The following GRID1 variants were observed in gnomAD, a reference collection of about 807,000 sequenced individuals.
The protein encoded by GRID1 is glutamate receptor ionotropic, delta-1.
In GRID1, 28 loss-of-function variants were observed where a neutral mutation model predicts 98.0. The observed-to-expected ratio is 0.29, with a 90% CI of 0.21 to 0.39. The LOEUF is 0.39. GRID1 is among the 10% of genes least tolerant of loss of function. The pLI, the probability that GRID1 is intolerant of heterozygous loss-of-function variation, is 1.00. For missense variants in GRID1, 1,111 were observed against 1,340.5 expected (o/e 0.83, Z 2.67); for synonymous variants, 553 against 538.5 (o/e 1.03, Z -0.37).
At chr10:85,865,154 G>T (rs187276987) in intron 6 of GRID1, among the ~76,000 whole-genome samples, 23 of 152,220 alleles carry the variant, frequency 1.5e-4, no homozygotes, top group African/African-American at 5.3e-4. Flanking sequence ...AAACTAACTT[G>T]TCAAGGAAAC....
At chr10:85,952,270 A>T (rs1455655120) in intron 4 of GRID1, among the ~76,000 whole-genome samples, 1 of 152,252 alleles carries the variant, frequency 6.6e-6, no homozygotes, top group Non-Finnish European at 1.5e-5. Context: ...ACCTGAAAAC[A>T]GCATGAGGAA....
intron 5 of GRID1, among the ~76,000 whole-genome samples, chr10:85,904,725 A>C (rs552819547): frequency 6.6e-6 from 1 of 152,108 alleles, no homozygotes; most frequent in African/African-American, 2.4e-5. Flanking sequence ...TAAAAAAAAA[A>C]ACACTGGACA....
intron 12 of GRID1, among the ~76,000 whole-genome samples, chr10:85,693,725 T>C (rs1841358991): frequency 6.6e-6 from 1 of 152,164 alleles, no homozygotes; most frequent in African/African-American, 2.4e-5. Context: ...GAAAATTGGA[T>C]TGCCATATGC....
intron 3 of GRID1, among the ~76,000 whole-genome samples, chr10:86,202,989 G>A (rs1845975151): frequency 6.6e-6 from 1 of 152,206 alleles, no homozygotes; most frequent in African/African-American, 2.4e-5. Context: ...TACAGAAATA[G>A]GATGATGCCT....
intron 3 of GRID1, among the ~76,000 whole-genome samples, chr10:86,156,017 A>G (rs1314478652): frequency 6.6e-6 from 1 of 152,226 alleles, no homozygotes; most frequent in African/African-American, 2.4e-5. Context: ...CTAGCTGAGC[A>G]CTGTCCAGCA....
intron 4 of GRID1, among the ~76,000 whole-genome samples, chr10:86,049,778 G>A (rs999020425): frequency 6.6e-6 from 1 of 152,168 alleles, no homozygotes; most frequent in Admixed American, 6.5e-5. Context: ...ACCTCCTCTT[G>A]GAGACATATT....
chr10:85,930,191 A>T (rs190755791), intron 4 of GRID1, among the ~76,000 whole-genome samples: 4,796 of 151,664 alleles, frequency 0.032, 97 homozygotes, highest in Middle Eastern at 0.077. Context: ...TTATAACTAC[A>T]AATAACTTGC....
intron 4 of GRID1, among the ~76,000 whole-genome samples, chr10:86,092,259 G>A (rs1844160873): frequency 1.3e-5 from 2 of 151,934 alleles, no homozygotes; most frequent in Admixed American, 1.3e-4. Flanking sequence ...GAAGGGAGAA[G>A]TATTCATGGA....
chr10:85,714,896 A>T (rs1319235630), intron 12 of GRID1, among the ~76,000 whole-genome samples: 1 of 152,158 alleles, frequency 6.6e-6, no homozygotes, highest in Non-Finnish European at 1.5e-5. Context: ...AAAAAATCGT[A>T]AAATTCCTGT....
chr10:86,089,148 T>C (rs1319421956), intron 4 of GRID1, among the ~76,000 whole-genome samples: 1 of 152,088 alleles, frequency 6.6e-6, no homozygotes, highest in African/African-American at 2.4e-5. Flanking sequence ...GGGTTTAGTA[T>C]AGAGTCAGAA....
At chr10:86,066,885 C>G (rs970841371) in intron 4 of GRID1, among the ~76,000 whole-genome samples, 5 of 152,172 alleles carry the variant, frequency 3.3e-5, no homozygotes, top group Non-Finnish European at 1.5e-5. Flanking sequence ...TTGGTAGGGG[C>G]CGCGCCGGCA....
At chr10:86,227,787 GCTC>G (rs1334453029) in intron 2 of GRID1, among the ~76,000 whole-genome samples, 5 of 152,168 alleles carry the variant, frequency 3.3e-5, no homozygotes, top group African/African-American at 7.2e-5. Context: ...CATCATGGGT[GCTC>G]CATGCACCGT....
chr10:86,329,820 G>A (rs547424635), intron 2 of GRID1, among the ~76,000 whole-genome samples: 2 of 152,252 alleles, frequency 1.3e-5, no homozygotes, highest in African/African-American at 4.8e-5. Flanking sequence ...TATGAAGTTG[G>A]AGGTGGCCAC....
chr10:85,813,932 C>T (rs998896737), intron 8 of GRID1, among the ~76,000 whole-genome samples: 17 of 151,506 alleles, frequency 1.1e-4, no homozygotes, highest in South Asian at 2.1e-4. Context: ...ATTAATGCTA[C>T]GTAAATCCCT....
intron 2 of GRID1, among the ~76,000 whole-genome samples, chr10:86,273,135 T>C: frequency 6.6e-6 from 1 of 151,950 alleles, no homozygotes; most frequent in Non-Finnish European, 1.5e-5. Flanking sequence ...ATTGTTCAAT[T>C]CCCACCTATG....
At chr10:86,060,275 C>T (rs1438329797) in intron 4 of GRID1, among the ~76,000 whole-genome samples, 1 of 152,110 alleles carries the variant, frequency 6.6e-6, no homozygotes, top group Non-Finnish European at 1.5e-5. Flanking sequence ...ACAAGTTGAC[C>T]CCCTCCCCTA....
intron 12 of GRID1, among the ~76,000 whole-genome samples, chr10:85,682,308 TG>T (rs747231214): frequency 2.0e-5 from 3 of 152,168 alleles, no homozygotes; most frequent in Admixed American, 6.5e-5. Context: ...GTTGGGAAGA[TG>T]ATATGAGATT....
chr10:86,208,420 C>A (rs1400898964), intron 2 of GRID1, among the ~76,000 whole-genome samples: 1 of 152,030 alleles, frequency 6.6e-6, no homozygotes, highest in Admixed American at 6.6e-5. Context: ...CCCCCAAGAG[C>A]CTAGGGATAA....
intron 4 of GRID1, among the ~76,000 whole-genome samples, chr10:85,949,305 C>T (rs1842089471): frequency 6.6e-6 from 1 of 152,102 alleles, no homozygotes; most frequent in African/African-American, 2.4e-5. Flanking sequence ...CTGGTAACTG[C>T]ATATTTTTGG....
Sources: gnomAD v4.1 joint callset for allele counts (sites outside exome capture counted in the v4.1 genomes callset) on GRCh38, gnomAD v4.1.1 for gene constraint, MANE v1.5 for transcripts, NCBI Gene and HGNC (gene_info 2026-07-23, HGNC 2026-07-21) for gene names.